The following CNTN1 variants were observed in gnomAD, a reference collection of about 807,000 sequenced individuals.
CNTN1 encodes the protein contactin-1.
A neutral mutation model predicts 126.4 loss-of-function variants in CNTN1; 38 were observed. The ratio of observed to expected loss-of-function variants is 0.30; its 90% CI spans 0.23 to 0.39. The LOEUF (loss-of-function observed/expected upper bound fraction) is 0.39, where lower values mean the gene tolerates loss of function less well. CNTN1 is among the 10% of genes least tolerant of loss of function. CNTN1 has a pLI of 1.00. For synonymous variants in CNTN1, 413 were observed against 422.6 expected (o/e 0.98, Z 0.28); for missense variants, 1,009 against 1,248.4 (o/e 0.81, Z 2.89).
At chr12:41,019,670 G>T (rs2120773391) in intron 19 of CNTN1, among the ~76,000 whole-genome samples, 1 of 151,958 alleles carries the variant, frequency 6.6e-6, no homozygotes, top group Middle Eastern at 3.4e-3. Flanking sequence ...ATACATATTT[G>T]ACTTGATGCC....
At chr12:40,714,815 C>T (rs190096394) in intron 1 of CNTN1, among the ~76,000 whole-genome samples, 142 of 152,180 alleles carry the variant, frequency 9.3e-4, no homozygotes, top group African/African-American at 3.3e-3. Context: ...CCTGCTGAAA[C>T]AAAATATGCC....
intron 23 of CNTN1, among the ~76,000 whole-genome samples, chr12:41,031,283 T>C (rs1949140944): frequency 6.6e-6 from 1 of 152,292 alleles, no homozygotes; most frequent in Non-Finnish European, 1.5e-5. Context: ...AATATTCTCA[T>C]TATGTGTGAT....
chr12:40,936,705 G>A lies in CNTN1; in HGVS notation c.986-76G>A. On this transcript the variant is annotated intron_variant, in intron 9 of 23. Transcript: ENST00000551295. ...TTCTGCAGAATTAGGTTAACTAAAT[G>A]TAATATTTATACTCTGGAGATTATG... is the stretch of plus-strand genomic sequence containing the variant. 2.6e-6 allele frequency: 4 copies of A among 1,564,404 alleles called. No homozygotes were observed. The Admixed American group carries it at 5.0e-5, about 20-fold the overall frequency.
intron 23 of CNTN1, among the ~76,000 whole-genome samples, chr12:41,067,211 TAAATATAACAC>T (rs1950064196): frequency 6.6e-6 from 1 of 152,170 alleles, no homozygotes; most frequent in African/African-American, 2.4e-5. Context: ...TTAGAGAAAT[TAAATATAACAC>T]ACGTAAACAT....
At chr12:40,720,806 G>A (rs1942183201) in intron 1 of CNTN1, among the ~76,000 whole-genome samples, 1 of 151,930 alleles carries the variant, frequency 6.6e-6, no homozygotes, top group South Asian at 2.1e-4. Context: ...GTGCATGCCT[G>A]TAATCCTAGC....
chr12:41,004,052 T>A (rs1230937160), intron 17 of CNTN1, among the ~76,000 whole-genome samples: 1 of 152,174 alleles, frequency 6.6e-6, no homozygotes, highest in African/African-American at 2.4e-5. Flanking sequence ...TAACTTGAGA[T>A]CTTTCTAACT....
At chr12:41,026,552 T>A (rs954779916) in intron 21 of CNTN1, among the ~76,000 whole-genome samples, 16 of 152,192 alleles carry the variant, frequency 1.1e-4, no homozygotes, top group Non-Finnish European at 2.2e-4. Context: ...TTAAGGTTCT[T>A]TGCACTCTAA....
chr12:40,759,323 C>G (rs567702935), intron 1 of CNTN1, among the ~76,000 whole-genome samples: 2 of 152,218 alleles, frequency 1.3e-5, no homozygotes, highest in South Asian at 2.1e-4. Context: ...CCCTGATTGG[C>G]TGGGTCAAGG....
intron 15 of CNTN1, chr12:40,971,593 G>A (rs1393849271): frequency 1.1e-5 from 17 of 1,524,932 alleles, no homozygotes; most frequent in African/African-American, 1.4e-5. Flanking sequence ...CAATCTTGTA[G>A]CTTCTGCAGT....
chr12:40,808,538 T>C (rs1940944716), intron 1 of CNTN1, among the ~76,000 whole-genome samples: 1 of 151,778 alleles, frequency 6.6e-6, no homozygotes, highest in South Asian at 2.1e-4. Context: ...TGTATAGGAA[T>C]GATTTAGAGT....
intron 1 of CNTN1, among the ~76,000 whole-genome samples, chr12:40,813,891 C>G (rs141322076): frequency 0.023 from 3,453 of 152,214 alleles, 127 homozygotes; most frequent in African/African-American, 0.077. Flanking sequence ...GCCATTCTGA[C>G]TGGTGTGAGA....
rs150785851 is a variant in CNTN1, at chr12:40,990,480, G to C, written c.1964-2640G>C. Among the ~76,000 whole-genome samples the C allele has an allele frequency of 6.6e-5, 10 of 152,074 alleles. No individual in the cohort carries two copies. In the South Asian group the frequency reaches 2.1e-3, roughly 32 times the overall value. The stretch of plus-strand genomic sequence containing the variant: ...TATTCTTCCTTTCTTCATCTCACTC[G>C]TTAAAATCAAAGCCTTGGCTCCTCA... On this transcript the variant is annotated intron_variant, in intron 16 of 23. Transcript: ENST00000551295.
intron 1 of CNTN1, among the ~76,000 whole-genome samples, chr12:40,708,416 G>A (rs951982965): frequency 1.3e-5 from 2 of 152,126 alleles, no homozygotes; most frequent in African/African-American, 2.4e-5. Flanking sequence ...ACTTTGTTAC[G>A]AAAAATGCTA....
chr12:41,009,681 G>A (rs1948597414), intron 17 of CNTN1, among the ~76,000 whole-genome samples: 1 of 152,174 alleles, frequency 6.6e-6, no homozygotes, highest in South Asian at 2.1e-4. Flanking sequence ...AGGTTTTGAA[G>A]AGGCCCTGCA....
Position 40,959,034 on chromosome 12 carries a change from A to G in CNTN1, c.1684-80A>G. On this transcript the variant is annotated intron_variant, in intron 14 of 23. Transcript: ENST00000551295. ...AGTGGTGTTCATTTTGTTAGGGGAA[A>G]AAACTACCTCTTGGATCTTAAATGC... 3 of 1,582,544 alleles carry G rather than the reference A, an allele frequency of 1.9e-6. No individual in the cohort carries two copies. The South Asian group carries it at 3.4e-5, about 18-fold the overall frequency.
chr12:40,856,121 C>A (rs1565838163), intron 1 of CNTN1, among the ~76,000 whole-genome samples: 1 of 152,002 alleles, frequency 6.6e-6, no homozygotes, highest in Non-Finnish European at 1.5e-5. Context: ...GTAGAGCCTG[C>A]ACTTGTGTCT....
rs1462066426 is a variant in CNTN1 at position 40,981,038 on chromosome 12, T to C, written c.1934T>C (p.Leu645Pro). ...TACACTATCCAGACCAAGACTATTCTTTCAGATGACTGGAAAGATGCAAAG... is the reference window on the plus strand; with the variant it reads ...TACACTATCCAGACCAAGACTATTCCTTCAGATGACTGGAAAGATGCAAAG... ...SKYTIQTKTI[L>P]SDDWKDAKTD... is the part of the protein sequence containing the mutation. The change falls in exon 16 of 24, where the codon CTT (leucine) becomes CCT (proline). Residue 645 changes from leucine (L) to proline (P), a missense_variant. By Grantham distance (98) the Leu-to-Pro change is moderately conservative (BLOSUM62 -3). Coordinates refer to ENST00000551295, the MANE Select transcript of CNTN1 (RefSeq NM_001843.4). 6.2e-7 allele frequency: 1 copy of C among 1,613,328 alleles called. No individual in the cohort carries two copies. The highest frequency in any genetic ancestry group is 2.2e-5 in the East Asian group (1 of 44,870).
At chr12:40,906,284 A>G (rs1592235880) in intron 1 of CNTN1, among the ~76,000 whole-genome samples, 1 of 152,228 alleles carries the variant, frequency 6.6e-6, no homozygotes, top group South Asian at 2.1e-4. Flanking sequence ...AGAAAAAAAA[A>G]TTGCTTTTCA....
At chr12:40,724,225 G>A (rs1194141396) in intron 1 of CNTN1, among the ~76,000 whole-genome samples, 8 of 151,740 alleles carry the variant, frequency 5.3e-5, no homozygotes, top group African/African-American at 1.9e-4. Flanking sequence ...CCGGATACTA[G>A]GAGAAGTTTG....
Sources: gnomAD v4.1 joint callset for allele counts (sites outside exome capture counted in the v4.1 genomes callset) on GRCh38, gnomAD v4.1.1 for gene constraint, MANE v1.5 for transcripts, NCBI Gene and HGNC (gene_info 2026-07-23, HGNC 2026-07-21) for gene names.